SNX29: variants seen among roughly 807,000 people sequenced by gnomAD.
The protein encoded by SNX29 is sorting nexin-29.
In SNX29, 78 loss-of-function variants were observed where a neutral mutation model predicts 102.1. The ratio of observed to expected loss-of-function variants is 0.76; its 90% confidence interval spans 0.64 to 0.92. The LOEUF is 0.92. Among genes scored for constraint, SNX29 ranks in the 40% least tolerant of loss-of-function variants. The pLI, the probability that SNX29 is intolerant of heterozygous loss-of-function variation, is 0.00. For synonymous variants in SNX29, 580 were observed against 414.5 expected (o/e 1.40, Z -4.85); for missense variants, 1,280 against 1,061.7 (o/e 1.21, Z -2.86).
intron 15 of SNX29, among the ~76,000 whole-genome samples, chr16:12,352,115 C>T (rs188596517): frequency 6.6e-6 from 1 of 152,088 alleles, no homozygotes; most frequent in African/African-American, 2.4e-5. Context: ...TGGAACCCAC[C>T]CAAATGTCCA....
intron 11 of SNX29, among the ~76,000 whole-genome samples, chr16:12,106,217 G>A (rs2053231280): frequency 6.6e-6 from 1 of 152,176 alleles, no homozygotes; most frequent in Non-Finnish European, 1.5e-5. Flanking sequence ...CTCCTAATGT[G>A]TCAATGGCTT....
chr16:12,338,310 T>A (rs557293898), intron 15 of SNX29, among the ~76,000 whole-genome samples: 1 of 152,266 alleles, frequency 6.6e-6, no homozygotes, highest in African/African-American at 2.4e-5. Context: ...GGAAGGGAAG[T>A]ACACTCTGTT....
At chr16:12,073,453 T>G (rs1596777447) in intron 10 of SNX29, among the ~76,000 whole-genome samples, 5 of 152,280 alleles carry the variant, frequency 3.3e-5, no homozygotes, top group African/African-American at 1.2e-4. Flanking sequence ...CAGGAGCGGG[T>G]TGTTCAGTTT....
In SNX29 at chr16:12,425,188, C is replaced by T. The variant is rs7199798; in HGVS notation, c.2037+21659C>T. 1.4e-4 allele frequency among the ~76,000 whole-genome samples: 22 copies of T among 152,270 alleles called. No homozygotes were observed. The South Asian group carries it at 1.7e-3, about 11-fold the overall frequency. ...TGTCCTCTGGGGGTATGGTGCAGCT[C>T]GGCTGATGTGGGTCACTTAGGTTTT... On this transcript the variant is annotated intron_variant, in intron 18 of 20. Transcript: ENST00000566228.
intron 20 of SNX29, among the ~76,000 whole-genome samples, chr16:12,548,420 C>G (rs531411373): frequency 6.6e-6 from 1 of 152,306 alleles, no homozygotes; most frequent in African/African-American, 2.4e-5. Flanking sequence ...CTCTGGCTCC[C>G]CACTGTGCCA....
chr16:12,140,277 G>T (rs2054824202), intron 13 of SNX29, among the ~76,000 whole-genome samples: 1 of 152,194 alleles, frequency 6.6e-6, no homozygotes, highest in Admixed American at 6.5e-5. Flanking sequence ...AGGGGCCCCA[G>T]CCTAAATCCC....
chr16:12,129,634 C>G lies in SNX29; in HGVS notation c.1471C>G (p.Leu491Val), dbSNP rs2054366682. 6.2e-7 allele frequency: 1 copy of G among 1,609,870 alleles called. No homozygotes were observed. Among genetic ancestry groups the G allele is most frequent in the Non-Finnish European group, 8.5e-7 (1 of 1,178,786 alleles). Reference protein sequence around the residue: ...KDELEEENRSLRNLLDGEMEH... With the variant: ...KDELEEENRSVRNLLDGEMEH... ...GATGGGTCCCTCTCTTCCCAGATCA[C>G]TGCGAAACCTGCTCGACGGTGAGAT... Residue 491 changes from leucine to valine, a missense_variant, in exon 13 of 21, where the codon CTG becomes GTG. By Grantham distance (32) the Leu-to-Val change is conservative. Coordinates refer to ENST00000566228, the MANE Select transcript of SNX29 (RefSeq NM_032167.5).
chr16:11,995,646 TA>T (rs533184003), intron 1 of SNX29, among the ~76,000 whole-genome samples: 7,486 of 125,096 alleles, frequency 0.06, 426 homozygotes, highest in African/African-American at 0.16. Context: ...AAAATACTCT[TA>T]AAAAAAAAAA....
chr16:12,536,958 AGAGT>A (rs951328051), intron 20 of SNX29, among the ~76,000 whole-genome samples: 6 of 152,052 alleles, frequency 3.9e-5, no homozygotes, highest in South Asian at 4.2e-4. Context: ...CCTAGGCGAC[AGAGT>A]GAGAGAGAAC....
At chr16:12,010,830 C>T (rs1022796525) in intron 3 of SNX29, among the ~76,000 whole-genome samples, 1 of 151,924 alleles carries the variant, frequency 6.6e-6, no homozygotes, top group South Asian at 2.1e-4. Flanking sequence ...ACCAGCTGCC[C>T]TTTGTTGTTC....
Position 12,571,880 on chromosome 16 carries a change from G to A in SNX29, c.*3251G>A, listed in dbSNP as rs1176116354. ...CTGGCAAGGCATTTTAGAGTTTGGA[G>A]CTGAGGTTCAAAGCCCCCTGCATTT... On this transcript the variant is annotated 3_prime_UTR_variant, in exon 21 of 21. Transcript: ENST00000566228. 1.9e-6 allele frequency: 2 copies of A among 1,061,604 alleles called. No homozygotes were observed. Among genetic ancestry groups the A allele is most frequent in the East Asian group, 5.1e-5 (1 of 19,676 alleles). 65.8% of individuals were successfully genotyped at this position (1,061,604 alleles called of 1,614,324 possible).
intron 16 of SNX29, among the ~76,000 whole-genome samples, chr16:12,384,371 C>T (rs117598349): frequency 0.025 from 3,871 of 152,272 alleles, 96 homozygotes; most frequent in Non-Finnish European, 0.041. Flanking sequence ...TCCATATCCT[C>T]GCCAGCATTT....
chr16:12,390,149 G>GGT (rs34547147), intron 16 of SNX29, among the ~76,000 whole-genome samples: 53,189 of 145,454 alleles, frequency 0.37, 10,418 homozygotes, highest in East Asian at 0.56. Context: ...GCAATTGAGG[G>GGT]GTGTGTGTGT....
chr16:12,402,271 T>A (rs955026883), intron 17 of SNX29, among the ~76,000 whole-genome samples: 1 of 152,274 alleles, frequency 6.6e-6, no homozygotes, highest in Non-Finnish European at 1.5e-5. Context: ...GAAGGGTTAT[T>A]GTCATTGTGA....
At chr16:12,277,194 C>T (rs759723359) in intron 14 of SNX29, among the ~76,000 whole-genome samples, 1 of 151,970 alleles carries the variant, frequency 6.6e-6, no homozygotes, top group African/African-American at 2.4e-5. Context: ...TTGAGACTAG[C>T]CTGGTCAACA....
In SNX29 at chr16:12,252,903, G is replaced by C. The variant is rs117254729; in HGVS notation, c.1679-25030G>C. 1.0e-3 allele frequency among the ~76,000 whole-genome samples: 157 copies of C among 152,338 alleles called. 1 individual carries two copies. In the East Asian group the frequency reaches 0.025, roughly 24 times the overall value. On this transcript the variant is annotated intron_variant, in intron 14 of 20. Coordinates refer to ENST00000566228, the MANE Select transcript of SNX29 (RefSeq NM_032167.5). ...GCTCATCAGACCCACTTTAGCACCA[G>C]CTTAACAAATTCCACTCCTTCATCG...
intron 15 of SNX29, among the ~76,000 whole-genome samples, chr16:12,293,797 C>T (rs1410386728): frequency 2.0e-5 from 3 of 152,182 alleles, no homozygotes; most frequent in African/African-American, 7.2e-5. Context: ...TGGAAAGCTG[C>T]AGATATCTTT....
At position 12,568,758 on chromosome 16, in the gene SNX29, C is replaced by A. The variant is rs186354905; in HGVS notation, c.*129C>A. The A allele has an allele frequency of 3.0e-6, 4 of 1,355,288 alleles. No homozygotes were observed. Among genetic ancestry groups the A allele is most frequent in the Non-Finnish European group, 4.0e-6 (4 of 1,012,574 alleles). 84.0% of individuals were successfully genotyped at this position (1,355,288 alleles called of 1,614,324 possible). On this transcript the variant is annotated 3_prime_UTR_variant, in exon 21 of 21. Transcript: ENST00000566228. ...GGTGATCCTGAGAGCACACGATTCCCAACAGTTACACAACACCCCGATTAA... is the reference window on the plus strand; with the variant it reads ...GGTGATCCTGAGAGCACACGATTCCAAACAGTTACACAACACCCCGATTAA...
At chr16:12,107,316 C>G (rs2053297906) in intron 11 of SNX29, among the ~76,000 whole-genome samples, 2 of 150,218 alleles carry the variant, frequency 1.3e-5, no homozygotes, top group Non-Finnish European at 3.0e-5. Context: ...ACGGGCCAAT[C>G]TGACTGACCA....
Sources: gnomAD v4.1 joint callset for allele counts (sites outside exome capture counted in the v4.1 genomes callset) on GRCh38, gnomAD v4.1.1 for gene constraint, MANE v1.5 for transcripts, NCBI Gene and HGNC (gene_info 2026-07-23, HGNC 2026-07-21) for gene names.